GRK1: variants seen among roughly 807,000 people sequenced by gnomAD.
GRK1 encodes the protein rhodopsin kinase GRK1.
In GRK1, 28 loss-of-function variants were observed where a neutral mutation model predicts 41.7. The ratio of observed to expected loss-of-function variants is 0.67; its 90% CI spans 0.50 to 0.92. The LOEUF (loss-of-function observed/expected upper bound fraction) is 0.92, where lower values mean the gene tolerates loss of function less well. Ranked by LOEUF, GRK1 falls within the 40% of genes least tolerant of loss-of-function variation. GRK1 has a pLI of 0.00. For synonymous variants in GRK1, 327 were observed against 286.7 expected (o/e 1.14, Z -1.42); for missense variants, 703 against 671.2 (o/e 1.05, Z -0.52).
At chr13:113,659,406 G>A in the GRK1 span, among the ~76,000 whole-genome samples, 1 of 152,150 alleles carries the variant, frequency 6.6e-6, no homozygotes, top group African/African-American at 2.4e-5. Flanking sequence ...ACTCTAGGCC[G>A]TCCCTCTCAG....
At position 113,737,102 on chromosome 13, in the gene GRK1, G is replaced by A. The variant is rs1398874738; in HGVS notation, c.*1739G>A. 6.6e-6 allele frequency: 1 copy of A among 152,610 alleles called. No homozygotes were observed. The highest frequency in any genetic ancestry group is 1.5e-5 in the Non-Finnish European group (1 of 68,270). 9.5% of individuals were successfully genotyped at this position (152,610 alleles called of 1,614,324 possible). A position where few individuals can be genotyped will look rare whatever the true frequency, so the allele number is the denominator to read the frequency against. On this transcript the variant is annotated 3_prime_UTR_variant, in exon 7 of 7. Transcript: ENST00000335678. ...GTCCTCTTCCTGTTGGGGAGAAGAG[G>A]ACCCTGGCAATCCACAATTTTGGAG...
the GRK1 span, among the ~76,000 whole-genome samples, chr13:113,662,215 C>T: frequency 6.6e-6 from 1 of 152,182 alleles, no homozygotes; most frequent in African/African-American, 2.4e-5. Context: ...GAAGAAAAAC[C>T]ACACAATCAT....
chr13:113,667,322 T>G lies in GRK1; in HGVS notation c.-65T>G. 6.9e-7 allele frequency: 1 copy of G among 1,443,570 alleles called. No individual in the cohort carries two copies. The highest frequency in any genetic ancestry group is 1.4e-5 in the South Asian group (1 of 69,518). 89.4% of individuals were successfully genotyped at this position (1,443,570 alleles called of 1,614,324 possible). On this transcript the variant is annotated 5_prime_UTR_variant, in exon 1 of 7. Transcript: ENST00000335678. This position sits in a 1 kb window ranked among gnomAD's most constrained non-coding sequence, Gnocchi z 7.5. ...GCAGCAGTCAGGCCTGCTCTGTCTG[T>G]GAACGCTCCCGGCTTGGCCTCGGCT...
chr13:113,656,115 C>T, the GRK1 span, among the ~76,000 whole-genome samples: 1 of 152,240 alleles, frequency 6.6e-6, no homozygotes, highest in Non-Finnish European at 1.5e-5. Flanking sequence ...GAGTTTCCAG[C>T]TTCAGCAGTG....
chr13:113,735,353 T>G lies in GRK1; in HGVS notation c.1682T>G (p.Leu561Arg). Residue 561 changes from leucine to arginine, a missense_variant, in exon 7 of 7, where the codon CTG becomes CGG. Leu to Arg is a moderately radical substitution (Grantham distance 102). Coordinates refer to ENST00000335678, the MANE Select transcript of GRK1 (RefSeq NM_002929.3). ...TCCTCGTCCAAGTCAGGGATGTGTCTGGTTTCCTAGGTGACGCCCCAGAGT... is the reference window on the plus strand; with the variant it reads ...TCCTCGTCCAAGTCAGGGATGTGTCGGGTTTCCTAGGTGACGCCCCAGAGT... Reference protein sequence around the residue: ...SSSSSKSGMCLVS With the variant: ...SSSSSKSGMCRVS The G allele has an allele frequency of 6.6e-7, 1 of 1,503,882 alleles. No homozygotes were observed. Among genetic ancestry groups the G allele is most frequent in the Non-Finnish European group, 8.9e-7 (1 of 1,127,398 alleles). The allele number at this position is 1,503,882 out of a possible 1,614,324, so 93.2% of individuals were successfully genotyped here.
intron 6 of GRK1, chr13:113,734,852 G>A (rs1566701080): frequency 1.2e-5 from 5 of 424,884 alleles, no homozygotes; most frequent in Middle Eastern, 6.1e-4. Flanking sequence ...GGCTTCTTCC[G>A]GCCCCACTCA....
intron 2 of GRK1, 51 bp downstream of exon 2, chr13:113,669,865 A>G (rs2049845329): frequency 4.4e-5 from 70 of 1,603,760 alleles, no homozygotes; most frequent in Non-Finnish European, 5.2e-5. Flanking sequence ...CCACTGGGTC[A>G]GGGTTTCCAG....
At chr13:113,649,522 T>A in the GRK1 span, 2 of 1,532,832 alleles carry the variant, frequency 1.3e-6, no homozygotes, top group Non-Finnish European at 1.8e-6. This position sits in a 1 kb window ranked among gnomAD's most constrained non-coding sequence, Gnocchi z 4.7. Flanking sequence ...CACCAGGGGG[T>A]TGCTGTAGTG....
At chr13:113,666,118 T>C (rs1016990448), upstream of GRK1, among the ~76,000 whole-genome samples, 1 of 150,640 alleles carries the variant, frequency 6.6e-6, no homozygotes, top group African/African-American at 2.5e-5. Context: ...GTCTCAGGTG[T>C]GCCCCAGATG....
At chr13:113,726,984 AGCCCCAGCAGCCCCCAT>A (rs1490515645) in intron 4 of GRK1, among the ~76,000 whole-genome samples, 1 of 152,252 alleles carries the variant, frequency 6.6e-6, no homozygotes, top group Non-Finnish European at 1.5e-5. Flanking sequence ...AAAACTGACC[AGCCCCAGCAGCCCCCAT>A]GCCCCAGCCT....
intron 6 of GRK1, among the ~76,000 whole-genome samples, chr13:113,733,991 TA>T (rs2049980086): frequency 7.1e-6 from 1 of 140,298 alleles, no homozygotes; most frequent in African/African-American, 2.9e-5. Context: ...TGTGTGTGCA[TA>T]CATGTGTGTG....
the GRK1 span, chr13:113,651,656 C>T: frequency 2.0e-5 from 32 of 1,598,188 alleles, no homozygotes; most frequent in Non-Finnish European, 2.4e-5. Context: ...CTGCCCGCCG[C>T]GCGGCCGTAC....
the GRK1 span, chr13:113,651,783 G>A: frequency 3.8e-6 from 6 of 1,587,560 alleles, no homozygotes; most frequent in South Asian, 1.1e-5. Context: ...CATGTGAGGT[G>A]CACGGCACCC....
the GRK1 span, among the ~76,000 whole-genome samples, chr13:113,655,598 C>T: frequency 5.3e-5 from 8 of 152,184 alleles, no homozygotes; most frequent in Admixed American, 3.9e-4. Flanking sequence ...ATGGGCGGCT[C>T]CTGGACACAG....
chr13:113,653,200 G>A, the GRK1 span: 155 of 1,390,440 alleles, frequency 1.1e-4, no homozygotes, highest in Middle Eastern at 5.0e-4. Context: ...CTGTGGAGCC[G>A]TTTCACACCT....
chr13:113,735,348 G>A lies in GRK1; in HGVS notation c.1677G>A (p.Met559Ile). 2 of 1,510,552 alleles carry A rather than the reference G, an allele frequency of 1.3e-6. No individual in the cohort carries two copies. Among genetic ancestry groups the A allele is most frequent in the African/African-American group, 1.4e-5 (1 of 72,466 alleles). The allele number at this position is 1,510,552 out of a possible 1,614,324, so 93.6% of individuals were successfully genotyped here. Residue 559 changes from methionine to isoleucine, a missense_variant, in exon 7 of 7, where the codon ATG becomes ATA. Met to Ile is a conservative substitution (Grantham distance 10, BLOSUM62 1). Transcript: ENST00000335678. ...CCAGCTCCTCGTCCAAGTCAGGGAT[G>A]TGTCTGGTTTCCTAGGTGACGCCCC... ...GGSSSSSKSGMCLVS is the reference protein window; with the variant it reads ...GGSSSSSKSGICLVS
intron 6 of GRK1, among the ~76,000 whole-genome samples, chr13:113,733,758 CGTGTGT>C (rs2049965796): frequency 1.1e-5 from 1 of 91,878 alleles, no homozygotes; most frequent in Non-Finnish European, 2.2e-5. Context: ...CATGTGTGTG[CGTGTGT>C]ATGTGTGTGC....
chr13:113,728,794 C>T (rs1264096106), intron 4 of GRK1, among the ~76,000 whole-genome samples: 1 of 152,162 alleles, frequency 6.6e-6, no homozygotes, highest in African/African-American at 2.4e-5. Flanking sequence ...AACCTCATCC[C>T]TATGAAGAAG....
intron 4 of GRK1, among the ~76,000 whole-genome samples, chr13:113,730,841 A>G (rs4073799): frequency 0.55 from 83,091 of 152,214 alleles, 24,204 homozygotes; most frequent in African/African-American, 0.74. Context: ...TGACCAGCTC[A>G]AGAGGAAAAT....
Sources: allele counts gnomAD v4.1 joint callset (sites outside exome capture counted in the v4.1 genomes callset), GRCh38; gene constraint gnomAD v4.1.1; non-coding constraint Gnocchi (gnomAD v3.1); transcripts MANE v1.5; gene names NCBI Gene and HGNC (gene_info 2026-07-23, HGNC 2026-07-21).